Variants in MAGI1 observed in about 807,000 individuals in gnomAD.
The protein encoded by MAGI1 is membrane associated guanylate kinase, WW and PDZ domain containing 1.
Under a neutral mutation model 139.9 loss-of-function variants are expected in MAGI1, and 58 were observed. The ratio of observed to expected loss-of-function variants is 0.41; its 90% CI spans 0.34 to 0.52. The LOEUF (loss-of-function observed/expected upper bound fraction) is 0.52. Among genes scored for constraint, MAGI1 ranks in the 20% least tolerant of loss-of-function variants. MAGI1 has a pLI of 0.12. For synonymous variants in MAGI1, 812 were observed against 737.9 expected (o/e 1.10, Z -1.63); for missense variants, 1,874 against 1,901.6 (o/e 0.99, Z 0.27).
At chr3:65,798,810 G>A (rs1030817800) in intron 1 of MAGI1, among the ~76,000 whole-genome samples, 2 of 152,130 alleles carry the variant, frequency 1.3e-5, no homozygotes, top group African/African-American at 4.8e-5. Flanking sequence ...TTTAAATCAT[G>A]CACCGTCCTG....
At chr3:65,425,589 C>G (rs190897330) in intron 12 of MAGI1, among the ~76,000 whole-genome samples, 1 of 152,158 alleles carries the variant, frequency 6.6e-6, no homozygotes, top group Non-Finnish European at 1.5e-5. Flanking sequence ...CAGAAGCTTA[C>G]GGGCAGAGTT....
chr3:65,402,715 G>A (rs1200646233), intron 12 of MAGI1, among the ~76,000 whole-genome samples: 6 of 152,112 alleles, frequency 3.9e-5, no homozygotes, highest in East Asian at 1.9e-4. Flanking sequence ...AATATGAGGC[G>A]AGGCAAGGCA....
chr3:66,008,548 A>G (rs1001950540), intron 1 of MAGI1, among the ~76,000 whole-genome samples: 2 of 152,226 alleles, frequency 1.3e-5, no homozygotes, highest in East Asian at 3.9e-4. Context: ...AAACGCACAT[A>G]AAGATACAAC....
chr3:65,696,396 T>C (rs1182333903), intron 1 of MAGI1, among the ~76,000 whole-genome samples: 1 of 152,160 alleles, frequency 6.6e-6, no homozygotes, highest in Non-Finnish European at 1.5e-5. Context: ...TTATATTGGA[T>C]TTTATCCAAT....
At chr3:65,463,558 A>ATGTG (rs56135171) in intron 5 of MAGI1, among the ~76,000 whole-genome samples, 14,690 of 140,600 alleles carry the variant, frequency 0.1, 825 homozygotes, top group Admixed American at 0.13. Flanking sequence ...TTGGCCTGAA[A>ATGTG]TGTGTGTGTG....
At chr3:65,599,788 T>C (rs1242874351) in intron 2 of MAGI1, among the ~76,000 whole-genome samples, 1 of 152,154 alleles carries the variant, frequency 6.6e-6, no homozygotes, top group Non-Finnish European at 1.5e-5. Flanking sequence ...AGGGCTTCAA[T>C]TAGTGAAATG....
intron 2 of MAGI1, among the ~76,000 whole-genome samples, chr3:65,603,094 C>G (rs1263611346): frequency 6.6e-6 from 1 of 152,010 alleles, no homozygotes; most frequent in African/African-American, 2.4e-5. Context: ...AGTTAAAGAA[C>G]TATCTCCTCC....
intron 5 of MAGI1, among the ~76,000 whole-genome samples, chr3:65,462,416 A>T (rs549726224): frequency 1.1e-3 from 164 of 152,264 alleles, no homozygotes; most frequent in African/African-American, 3.7e-3. Context: ...TTTGTCAAAG[A>T]TCATATGGTT....
At chr3:65,623,720 A>C (rs2107082243) in intron 1 of MAGI1, among the ~76,000 whole-genome samples, 1 of 152,334 alleles carries the variant, frequency 6.6e-6, no homozygotes, top group Non-Finnish European at 1.5e-5. Flanking sequence ...CTAGGGCAGG[A>C]AACTACTGAT....
chr3:65,847,551 T>C (rs2059048464), intron 1 of MAGI1, among the ~76,000 whole-genome samples: 1 of 152,246 alleles, frequency 6.6e-6, no homozygotes, highest in Admixed American at 6.5e-5. Flanking sequence ...GTCTCATCTC[T>C]AGTGCATTTT....
chr3:65,626,045 A>G (rs115743729), intron 1 of MAGI1, among the ~76,000 whole-genome samples: 68 of 152,276 alleles, frequency 4.5e-4, no homozygotes, highest in African/African-American at 1.5e-3. Context: ...TAAAAAAATA[A>G]TGTTTACCAG....
chr3:65,754,084 C>T (rs1225025158), intron 1 of MAGI1, among the ~76,000 whole-genome samples: 2 of 152,066 alleles, frequency 1.3e-5, no homozygotes, highest in Admixed American at 1.3e-4. Flanking sequence ...TCTTCAATTC[C>T]CCATCCTCAT....
chr3:65,508,875 C>G (rs895132238), intron 2 of MAGI1, among the ~76,000 whole-genome samples: 1 of 152,202 alleles, frequency 6.6e-6, no homozygotes, highest in African/African-American at 2.4e-5. Context: ...TCTGATTTGT[C>G]ATCCCTGTCA....
At chr3:65,471,127 A>AC (rs1383170788) in intron 4 of MAGI1, among the ~76,000 whole-genome samples, 2 of 152,128 alleles carry the variant, frequency 1.3e-5, no homozygotes, top group African/African-American at 4.8e-5. Context: ...ACCAAGAGTT[A>AC]CCCCCAGAAC....
chr3:65,461,870 G>T (rs989289687), intron 5 of MAGI1, among the ~76,000 whole-genome samples: 4 of 152,124 alleles, frequency 2.6e-5, no homozygotes, highest in African/African-American at 9.7e-5. Context: ...TTCCTCTAAT[G>T]ACTAGTGATG....
chr3:65,401,267 T>C lies in MAGI1; in HGVS notation c.2199+172A>G, dbSNP rs1944865794. ...CAGTTAAAGACAAGCCCAAATACCT[T>C]GTATAACAAACAGATCCCCAGAACT... On this transcript the variant is annotated intron_variant, in intron 13 of 22. Coordinates refer to ENST00000402939, the MANE Select transcript of MAGI1 (RefSeq NM_001033057.2). Among the ~76,000 whole-genome samples, 5 of 152,042 alleles carry C rather than the reference T, an allele frequency of 3.3e-5. No individual in the cohort carries two copies. The South Asian group carries it at 1.0e-3, about 32-fold the overall frequency.
At chr3:65,395,284 T>G (rs9817091) in intron 13 of MAGI1, among the ~76,000 whole-genome samples, 1,562 of 152,086 alleles carry the variant, frequency 0.01, 29 homozygotes, top group African/African-American at 0.036. Context: ...AATCTATTGA[T>G]AGCAACACAC....
intron 1 of MAGI1, among the ~76,000 whole-genome samples, chr3:65,714,468 C>T (rs1213204625): frequency 2.0e-5 from 3 of 152,050 alleles, no homozygotes; most frequent in African/African-American, 7.2e-5. Flanking sequence ...TGGGCCCCTT[C>T]GAATCACCCT....
At chr3:65,589,512 G>C (rs758548039) in intron 2 of MAGI1, among the ~76,000 whole-genome samples, 1 of 152,076 alleles carries the variant, frequency 6.6e-6, no homozygotes. Context: ...TGTCTTCCTT[G>C]CCTTAGCTTG....
Sources: allele counts gnomAD v4.1 joint callset (sites outside exome capture counted in the v4.1 genomes callset), GRCh38; gene constraint gnomAD v4.1.1; transcripts MANE v1.5; gene names NCBI Gene and HGNC (gene_info 2026-07-23, HGNC 2026-07-21).